KCNQ5: variants seen among roughly 807,000 people sequenced by gnomAD.
The protein encoded by KCNQ5 is potassium voltage-gated channel subfamily Q member 5, also known as potassium voltage-gated channel subfamily KQT member 5.
A neutral mutation model predicts 98.2 loss-of-function variants in KCNQ5; 30 were observed. The observed-to-expected ratio is 0.31, with a 90% CI of 0.23 to 0.41. KCNQ5 has a LOEUF of 0.41. KCNQ5 is among the 10% of genes least tolerant of loss of function. The probability of loss-of-function intolerance (pLI) is 1.00; values close to 1 mark genes in which losing one functional copy is unlikely to be tolerated. For missense variants in KCNQ5, 835 were observed against 1,182.5 expected, an observed-to-expected ratio of 0.71 and a Z score of 4.31; for synonymous variants, 458 against 449.4, an observed-to-expected ratio of 1.02 and a Z score of -0.24.
At chr6:72,706,801 A>G (rs951437567) in intron 1 of KCNQ5, among the ~76,000 whole-genome samples, 1 of 152,170 alleles carries the variant, frequency 6.6e-6, no homozygotes, top group Admixed American at 6.6e-5. Context: ...ATAGTTTTCT[A>G]TAGTAATCCA....
intron 8 of KCNQ5, among the ~76,000 whole-genome samples, chr6:73,121,588 C>T (rs979096435): frequency 1.3e-5 from 2 of 152,080 alleles, no homozygotes; most frequent in Admixed American, 1.3e-4. Flanking sequence ...TCTTCATAGC[C>T]CAACAAAACC....
At chr6:73,030,756 G>A (rs142527667) in intron 2 of KCNQ5, among the ~76,000 whole-genome samples, 1 of 152,258 alleles carries the variant, frequency 6.6e-6, no homozygotes, top group East Asian at 1.9e-4. Flanking sequence ...AACAAAGCAA[G>A]ATTGTATCTG....
chr6:72,934,560 G>T (rs1765821956), intron 1 of KCNQ5, among the ~76,000 whole-genome samples: 1 of 152,182 alleles, frequency 6.6e-6, no homozygotes, highest in Non-Finnish European at 1.5e-5. Context: ...GATTTCAAAG[G>T]TGATCTGAAC....
chr6:72,745,981 A>T (rs921074698), intron 1 of KCNQ5, among the ~76,000 whole-genome samples: 1 of 145,128 alleles, frequency 6.9e-6, no homozygotes, highest in Non-Finnish European at 1.5e-5. Flanking sequence ...CTCTCTCCTT[A>T]TAAGGACATC....
rs1448830845 is a variant in KCNQ5 at position 73,172,871 on chromosome 6, A to C, written c.1577+3017A>C. Among the ~76,000 whole-genome samples the C allele has an allele frequency of 1.3e-5, 2 of 152,248 alleles. 1 individual carries two copies. Among genetic ancestry groups the C allele is most frequent in the Non-Finnish European group, 2.9e-5 (2 of 68,034 alleles). ...GCCAAATTAAAATGTGTAACAAAAA[A>C]TATGTATTCTACTGCAAGGATGACA... On this transcript the variant is annotated intron_variant, in intron 11 of 13. Transcript: ENST00000370398.
At chr6:72,963,513 A>G (rs557887198) in intron 1 of KCNQ5, among the ~76,000 whole-genome samples, 2 of 152,334 alleles carry the variant, frequency 1.3e-5, no homozygotes, top group East Asian at 3.9e-4. Context: ...AATACATGAA[A>G]ATGCCTAAAA....
At chr6:73,125,412 A>G (rs780774822) in intron 9 of KCNQ5, 1 of 518,286 alleles carries the variant, frequency 1.9e-6, no homozygotes, top group Non-Finnish European at 3.9e-6. Context: ...GCAGAGGCAG[A>G]ACCAGCAAGG....
At chr6:72,729,138 A>G (rs1770428508) in intron 1 of KCNQ5, among the ~76,000 whole-genome samples, 1 of 152,200 alleles carries the variant, frequency 6.6e-6, no homozygotes, top group Non-Finnish European at 1.5e-5. Flanking sequence ...TAATGGACAT[A>G]CCATTATTTA....
chr6:73,193,507 AAT>A lies in KCNQ5; in HGVS notation c.1836+820_1836+821del, dbSNP rs1372773503. Among the ~76,000 whole-genome samples, 282 of 145,128 alleles carry A rather than the reference AAT, an allele frequency of 1.9e-3. 1 individual carries two copies. Among genetic ancestry groups the A allele is most frequent in the Non-Finnish European group, 2.4e-3 (157 of 65,568 alleles). On this transcript the variant is annotated intron_variant, in intron 13 of 13. Coordinates refer to ENST00000370398, the MANE Select transcript of KCNQ5 (RefSeq NM_019842.4). The stretch of plus-strand genomic sequence containing the variant: ...AATAAAATAAAATAAAATAAAATAA[AAT>A]ATAAAATAAATAAAAATAAAACTTT...
chr6:73,043,023 T>C, intron 3 of KCNQ5: 1 of 198,652 alleles, frequency 5.0e-6, no homozygotes. Context: ...CAAAATAGTT[T>C]AGGCTATCTT....
chr6:72,700,382 GC>G (rs1768743234), intron 1 of KCNQ5, among the ~76,000 whole-genome samples: 3 of 151,694 alleles, frequency 2.0e-5, no homozygotes, highest in African/African-American at 7.3e-5. Flanking sequence ...AACAATTTCT[GC>G]CATGAATAAT....
Position 73,144,979 on chromosome 6 carries a change from C to T in KCNQ5, c.1468+11338C>T, listed in dbSNP as rs76590646. On this transcript the variant is annotated intron_variant, in intron 10 of 13. Transcript: ENST00000370398. Reference sequence around the variant, plus strand: ...CATGCAAGAGACAGAGAAAGAGATTCCACCTCTTCATGTGAGAAGCTGCAA... The same window carrying T: ...CATGCAAGAGACAGAGAAAGAGATTTCACCTCTTCATGTGAGAAGCTGCAA... Among the ~76,000 whole-genome samples, 426 of 152,312 alleles carry T rather than the reference C, an allele frequency of 2.8e-3. 12 individuals are homozygous for T. Among genetic ancestry groups the T allele is most frequent in the East Asian group, 0.019 (96 of 5,180 alleles).
intron 9 of KCNQ5, among the ~76,000 whole-genome samples, chr6:73,128,497 G>T (rs1387225342): frequency 1.3e-5 from 2 of 152,116 alleles, no homozygotes; most frequent in Non-Finnish European, 2.9e-5. Context: ...GTTTTATGTG[G>T]TTCTCCCTTC....
At chr6:72,627,707 A>T (rs1202224251) in intron 1 of KCNQ5, among the ~76,000 whole-genome samples, 1 of 152,198 alleles carries the variant, frequency 6.6e-6, no homozygotes, top group Non-Finnish European at 1.5e-5. Context: ...CTCAGGGCAT[A>T]GACTACTATA....
chr6:72,732,178 A>G (rs779899458), intron 1 of KCNQ5, among the ~76,000 whole-genome samples: 4 of 152,292 alleles, frequency 2.6e-5, no homozygotes, highest in Non-Finnish European at 4.4e-5. Flanking sequence ...GTAATATGCA[A>G]TCTAGTGTGG....
intron 1 of KCNQ5, among the ~76,000 whole-genome samples, chr6:72,683,432 A>G (rs986457857): frequency 1.1e-4 from 16 of 148,360 alleles, no homozygotes; most frequent in African/African-American, 3.0e-4. Flanking sequence ...CAGTGGCGCA[A>G]TCTCGGCTCA....
intron 10 of KCNQ5, among the ~76,000 whole-genome samples, chr6:73,147,784 A>C (rs1174866135): frequency 6.6e-6 from 1 of 152,170 alleles, no homozygotes; most frequent in Non-Finnish European, 1.5e-5. Context: ...GGGTTTTAAA[A>C]AGCCCACACA....
chr6:72,846,138 A>G (rs1777008811), intron 1 of KCNQ5, among the ~76,000 whole-genome samples: 1 of 152,218 alleles, frequency 6.6e-6, no homozygotes, highest in Admixed American at 6.5e-5. Context: ...TCCAGCTTAG[A>G]GGAAATCATC....
At chr6:72,866,829 A>G (rs1473386914) in intron 1 of KCNQ5, among the ~76,000 whole-genome samples, 1 of 152,268 alleles carries the variant, frequency 6.6e-6, no homozygotes, top group Non-Finnish European at 1.5e-5. Context: ...CGTCATTAAC[A>G]TTCTCAACAC....
Sources: gnomAD v4.1 joint callset for allele counts (sites outside exome capture counted in the v4.1 genomes callset) on GRCh38, gnomAD v4.1.1 for gene constraint, MANE v1.5 for transcripts, NCBI Gene and HGNC (gene_info 2026-07-23, HGNC 2026-07-21) for gene names.